CLVS1: variants seen among roughly 807,000 people sequenced by gnomAD.
CLVS1 encodes clavesin 1, also known as clavesin-1.
CLVS1 carries 10 observed loss-of-function variants against 33.1 expected under a neutral mutation model. That is an observed-to-expected ratio of 0.30 (90% CI 0.19 to 0.51). CLVS1 has a LOEUF of 0.51. Ranked by LOEUF, CLVS1 falls within the 20% of genes least tolerant of loss-of-function variation. The probability of loss-of-function intolerance (pLI) is 0.97; values close to 1 mark genes in which losing one functional copy is unlikely to be tolerated. For synonymous variants in CLVS1, 163 were observed against 166.1 expected, an observed-to-expected ratio of 0.98 and a Z score of 0.14; for missense variants, 343 against 433.4, an observed-to-expected ratio of 0.79 and a Z score of 1.85.
chr8:60,967,701 GT>G, the CLVS1 span: 1 of 455,872 alleles, frequency 2.2e-6, no homozygotes, highest in African/African-American at 2.0e-5. Flanking sequence ...TGCTCAGGGT[GT>G]GGGTGCTGAG....
chr8:61,262,651 G>C (rs1021047272), intron 2 of CLVS1, among the ~76,000 whole-genome samples: 21 of 152,150 alleles, frequency 1.4e-4, no homozygotes, highest in African/African-American at 3.6e-4. Context: ...ATAGAGATTA[G>C]GCATCCTCCC....
At chr8:61,086,035 C>A (rs1805119312) in intron 1 of CLVS1, among the ~76,000 whole-genome samples, 1 of 31,202 alleles carries the variant, frequency 3.2e-5, no homozygotes, top group East Asian at 1.2e-3. Context: ...GACTCCCTCT[C>A]AAAAAAAAAA....
intron 2 of CLVS1, among the ~76,000 whole-genome samples, chr8:61,210,312 G>C (rs1807945467): frequency 6.6e-6 from 1 of 152,212 alleles, no homozygotes; most frequent in Admixed American, 6.5e-5. Context: ...GGACTGTATT[G>C]AGGAACAGCC....
At chr8:61,147,215 G>T (rs1806439367) in intron 2 of CLVS1, among the ~76,000 whole-genome samples, 1 of 152,202 alleles carries the variant, frequency 6.6e-6, no homozygotes. Context: ...CAAACCTCAA[G>T]CTGGCTTGGG....
At chr8:61,107,974 A>C (rs547108167) in intron 1 of CLVS1, among the ~76,000 whole-genome samples, 1 of 152,264 alleles carries the variant, frequency 6.6e-6, no homozygotes, top group East Asian at 1.9e-4. Flanking sequence ...CATCAGAGAA[A>C]ACCATAAAAA....
intron 3 of CLVS1, among the ~76,000 whole-genome samples, chr8:61,380,578 C>T (rs1444913074): frequency 6.6e-6 from 1 of 152,122 alleles, no homozygotes; most frequent in Non-Finnish European, 1.5e-5. Flanking sequence ...TTTGAGAGTG[C>T]TTGAAAGTCA....
At chr8:61,271,501 G>T (rs1201688736) in intron 2 of CLVS1, among the ~76,000 whole-genome samples, 7 of 148,826 alleles carry the variant, frequency 4.7e-5, no homozygotes, top group African/African-American at 1.8e-4. Flanking sequence ...GTTGATTTGG[G>T]GTGGAGAGTT....
chr8:61,238,464 C>T (rs1808617268), intron 2 of CLVS1, among the ~76,000 whole-genome samples: 1 of 152,156 alleles, frequency 6.6e-6, no homozygotes, highest in Non-Finnish European at 1.5e-5. Flanking sequence ...TGTGGTGCGA[C>T]TCCTGAAGCA....
At chr8:61,202,641 A>G (rs1807758560) in intron 2 of CLVS1, 2 of 1,519,950 alleles carry the variant, frequency 1.3e-6, no homozygotes, top group Non-Finnish European at 1.8e-6. Context: ...CAACACCACC[A>G]GTAGTCTTAA....
At chr8:61,387,535 T>C (rs1217099500) in intron 3 of CLVS1, among the ~76,000 whole-genome samples, 1 of 144,954 alleles carries the variant, frequency 6.9e-6, no homozygotes, top group Non-Finnish European at 1.5e-5. Flanking sequence ...GCTACATGAA[T>C]AAGTTCTTTA....
chr8:61,247,521 GGT>G (rs1229951518), intron 2 of CLVS1, among the ~76,000 whole-genome samples: 1 of 152,050 alleles, frequency 6.6e-6, no homozygotes, highest in Non-Finnish European at 1.5e-5. Flanking sequence ...ATTTCACTGT[GGT>G]TTTTATTTGC....
At chr8:61,005,495 G>A in the CLVS1 span, among the ~76,000 whole-genome samples, 5 of 150,416 alleles carry the variant, frequency 3.3e-5, no homozygotes, top group African/African-American at 1.2e-4. Flanking sequence ...AAAAAGAAAA[G>A]AAAAGAAAAA....
At chr8:61,044,194 A>G in the CLVS1 span, among the ~76,000 whole-genome samples, 1 of 152,192 alleles carries the variant, frequency 6.6e-6, no homozygotes, top group East Asian at 1.9e-4. Context: ...GATGTTGAGT[A>G]ACAGCTCTGG....
intron 2 of CLVS1, among the ~76,000 whole-genome samples, chr8:61,191,325 G>A (rs1419645557): frequency 3.3e-5 from 5 of 152,158 alleles, no homozygotes; most frequent in Middle Eastern, 6.8e-3. Flanking sequence ...AAATTCAACA[G>A]CGCTTCATGC....
chr8:61,296,429 T>C (rs2129594251), intron 1 of CLVS1, among the ~76,000 whole-genome samples: 1 of 152,356 alleles, frequency 6.6e-6, no homozygotes, highest in African/African-American at 2.4e-5. Flanking sequence ...TTCCCTGAAC[T>C]GTAAGGTAAG....
At chr8:61,349,178 C>G (rs910060774) in intron 2 of CLVS1, among the ~76,000 whole-genome samples, 4 of 152,058 alleles carry the variant, frequency 2.6e-5, no homozygotes, top group African/African-American at 9.7e-5. Flanking sequence ...TCTTTTCACT[C>G]TGTTCATTGT....
rs960981754 is a variant in CLVS1, at chr8:61,362,729, T to C, written c.456-13876T>C. The stretch of plus-strand genomic sequence containing the variant: ...ATTAATTACAAAGATTCCTGTTAGC[T>C]CTCCTTGCCTGATTCTATCTGAATT... On this transcript the variant is annotated intron_variant, in intron 2 of 5. Coordinates refer to ENST00000325897, the MANE Select transcript of CLVS1 (RefSeq NM_173519.3). 5.9e-5 allele frequency among the ~76,000 whole-genome samples: 9 copies of C among 152,154 alleles called. No individual in the cohort carries two copies. In the South Asian group the frequency reaches 1.9e-3, roughly 32 times the overall value.
At chr8:61,231,306 A>ACACT (rs1018645839) in intron 2 of CLVS1, among the ~76,000 whole-genome samples, 4 of 151,108 alleles carry the variant, frequency 2.6e-5, no homozygotes, top group African/African-American at 4.9e-5. Flanking sequence ...ACACACACAC[A>ACACT]CTCTAATATT....
chr8:61,438,364 C>T (rs1473554967), intron 3 of CLVS1, among the ~76,000 whole-genome samples: 1 of 152,160 alleles, frequency 6.6e-6, no homozygotes, highest in African/African-American at 2.4e-5. Context: ...TATCTCATTA[C>T]TTTTTAGGGC....
Sources: allele counts gnomAD v4.1 joint callset (sites outside exome capture counted in the v4.1 genomes callset), GRCh38; gene constraint gnomAD v4.1.1; transcripts MANE v1.5; gene names NCBI Gene and HGNC (gene_info 2026-07-23, HGNC 2026-07-21).